The following SHANK2 variants were observed in gnomAD, a reference collection of about 807,000 sequenced individuals.
SHANK2 encodes SH3 and multiple ankyrin repeat domains 2.
SHANK2 carries 43 observed loss-of-function variants against 133.7 expected under a neutral mutation model. The observed-to-expected ratio is 0.32, with a 90% CI of 0.25 to 0.41. The LOEUF (loss-of-function observed/expected upper bound fraction) is 0.41, where lower values mean the gene tolerates loss of function less well. Among genes scored for constraint, SHANK2 ranks in the 10% least tolerant of loss-of-function variants. SHANK2 has a pLI of 1.00. For missense variants in SHANK2, 1,994 were observed against 2,235.8 expected, an observed-to-expected ratio of 0.89 and a Z score of 2.18; for synonymous variants, 1,017 against 952.8, an observed-to-expected ratio of 1.07 and a Z score of -1.24.
chr11:70,586,666 T>C (rs564909199), intron 17 of SHANK2, among the ~76,000 whole-genome samples: 200 of 152,300 alleles, frequency 1.3e-3, no homozygotes, highest in African/African-American at 4.3e-3. Context: ...ATGAGAAATT[T>C]AGCAATTTGA....
chr11:71,203,663 C>T (rs1954066589), intron 2 of SHANK2, among the ~76,000 whole-genome samples: 1 of 152,200 alleles, frequency 6.6e-6, no homozygotes, highest in African/African-American at 2.4e-5. Context: ...CCTCTGAGCC[C>T]TGGGAATATC....
At chr11:70,741,516 C>T (rs148567573) in intron 14 of SHANK2, among the ~76,000 whole-genome samples, 98 of 152,320 alleles carry the variant, frequency 6.4e-4, no homozygotes, top group African/African-American at 2.2e-3. Context: ...ATGTATCTGT[C>T]TGTACCTCAC....
At chr11:70,787,062 C>A (rs1361779015) in intron 14 of SHANK2, among the ~76,000 whole-genome samples, 2 of 150,716 alleles carry the variant, frequency 1.3e-5, no homozygotes, top group African/African-American at 4.9e-5. Flanking sequence ...ATGAGCATCA[C>A]CATCAGCACC....
intron 11 of SHANK2, among the ~76,000 whole-genome samples, chr11:70,885,805 G>A (rs1949732808): frequency 6.6e-6 from 1 of 152,092 alleles, no homozygotes; most frequent in African/African-American, 2.4e-5. Flanking sequence ...GCTGGAAATC[G>A]GCCAAATGTA....
chr11:70,526,962 ACCGCC>A (rs58623408), intron 17 of SHANK2, among the ~76,000 whole-genome samples: 138,135 of 151,776 alleles, frequency 0.91, 64,295 homozygotes, highest in East Asian at 1. Context: ...AGGTATGCCA[ACCGCC>A]CCGCCCAGGT....
rs535304491 is a variant in SHANK2 at position 70,494,386 on chromosome 11, T to C, written c.2309-1921A>G. On this transcript the variant is annotated intron_variant, in intron 21 of 25. Transcript: ENST00000601538. ...TTGGCTCACTGCAACCTCCACCTCC[T>C]GGGTTCAAGCAATTCTCGTGCCTCA... 9.2e-5 allele frequency among the ~76,000 whole-genome samples: 14 copies of C among 152,222 alleles called. No individual in the cohort carries two copies. In the South Asian group the frequency reaches 2.7e-3, roughly 29 times the overall value.
chr11:71,164,482 C>A (rs1266601730), intron 2 of SHANK2, among the ~76,000 whole-genome samples: 2 of 152,116 alleles, frequency 1.3e-5, no homozygotes, highest in Non-Finnish European at 2.9e-5. Flanking sequence ...AGGGGCTGAC[C>A]GCAGGGTGAC....
chr11:70,845,408 G>T (rs1555062958), intron 11 of SHANK2, among the ~76,000 whole-genome samples: 1 of 152,100 alleles, frequency 6.6e-6, no homozygotes, highest in Non-Finnish European at 1.5e-5. Context: ...CAGAGAAATG[G>T]ACTCTGATAA....
intron 11 of SHANK2, among the ~76,000 whole-genome samples, chr11:70,847,471 T>A (rs1555063816): frequency 6.6e-6 from 1 of 152,118 alleles, no homozygotes; most frequent in African/African-American, 2.4e-5. Context: ...GCGTTAAAAA[T>A]AGGGGGAAAT....
At chr11:70,852,823 A>C (rs1054592246) in intron 11 of SHANK2, among the ~76,000 whole-genome samples, 1 of 152,240 alleles carries the variant, frequency 6.6e-6, no homozygotes, top group African/African-American at 2.4e-5. Context: ...AGCCTGGGCA[A>C]CAAAGCAAGA....
At chr11:70,870,161 A>G (rs1949436431) in intron 11 of SHANK2, among the ~76,000 whole-genome samples, 1 of 152,160 alleles carries the variant, frequency 6.6e-6, no homozygotes, top group East Asian at 1.9e-4. Flanking sequence ...GAGGATGAGC[A>G]CAGCAGCAGA....
Position 70,807,580 on chromosome 11 carries a change from A to G in SHANK2, c.1494-409T>C, listed in dbSNP as rs929895684. Among the ~76,000 whole-genome samples the G allele has an allele frequency of 2.6e-5, 4 of 152,206 alleles. No individual in the cohort carries two copies. Among genetic ancestry groups the G allele is most frequent in the African/African-American group, 9.6e-5 (4 of 41,456 alleles). ...GTGGTGGGATCACATCTGTAATCCC[A>G]GCACTTTGGGAGGCTGAGGTGGGCA... On this transcript the variant is annotated intron_variant, in intron 12 of 25. Coordinates refer to ENST00000601538, the MANE Select transcript of SHANK2 (RefSeq NM_012309.5). This position sits in a 1 kb window ranked among gnomAD's most constrained non-coding sequence, Gnocchi z 4.8.
chr11:70,748,836 G>A (rs985350974), intron 14 of SHANK2, among the ~76,000 whole-genome samples: 1 of 152,170 alleles, frequency 6.6e-6, no homozygotes, highest in East Asian at 1.9e-4. Context: ...CCTCCCACCA[G>A]CCCTGCTGCT....
At chr11:71,205,475 T>A (rs1323014876) in intron 2 of SHANK2, among the ~76,000 whole-genome samples, 1 of 152,180 alleles carries the variant, frequency 6.6e-6, no homozygotes, top group Non-Finnish European at 1.5e-5. Context: ...TGGGCTCCAG[T>A]AGAGGCTGCA....
At chr11:70,820,136 G>A (rs1948485126) in intron 12 of SHANK2, among the ~76,000 whole-genome samples, 2 of 152,186 alleles carry the variant, frequency 1.3e-5, no homozygotes, top group South Asian at 4.1e-4. Context: ...CACCTGCCCC[G>A]AGCTTTCATC....
chr11:71,076,227 C>T (rs1951216713), intron 8 of SHANK2, among the ~76,000 whole-genome samples: 1 of 152,134 alleles, frequency 6.6e-6, no homozygotes, highest in Non-Finnish European at 1.5e-5. Flanking sequence ...TCGGTCCTGA[C>T]CTAACACATC....
chr11:70,682,713 G>A (rs1382285943), intron 15 of SHANK2, among the ~76,000 whole-genome samples: 1 of 152,226 alleles, frequency 6.6e-6, no homozygotes, highest in Admixed American at 6.5e-5. Flanking sequence ...AGGCCACAGA[G>A]AAGGAGGCCT....
intron 2 of SHANK2, among the ~76,000 whole-genome samples, chr11:71,149,684 T>G: frequency 7.1e-6 from 1 of 140,748 alleles, no homozygotes; most frequent in African/African-American, 2.7e-5. Flanking sequence ...GGGAGGTGGA[T>G]AAATGAATGG....
chr11:71,089,186 G>A (rs887768539), intron 8 of SHANK2, among the ~76,000 whole-genome samples: 2 of 152,198 alleles, frequency 1.3e-5, no homozygotes, highest in Non-Finnish European at 2.9e-5. Flanking sequence ...TCTCCTTCGG[G>A]AGCTGCCTCT....
Sources: gnomAD v4.1 joint callset for allele counts (sites outside exome capture counted in the v4.1 genomes callset) on GRCh38, gnomAD v4.1.1 for gene constraint, Gnocchi (gnomAD v3.1) non-coding constraint, MANE v1.5 for transcripts, NCBI Gene and HGNC (gene_info 2026-07-23, HGNC 2026-07-21) for gene names.